Variants in TENT4A observed in about 807,000 individuals in gnomAD.
The protein encoded by TENT4A is DNA polymerase kappa.
In TENT4A, 7 loss-of-function variants were observed where a neutral mutation model predicts 72.8. The ratio of observed to expected loss-of-function variants is 0.10; its 90% CI spans 0.05 to 0.18. The LOEUF (loss-of-function observed/expected upper bound fraction) is 0.18, where lower values mean the gene tolerates loss of function less well. Among genes scored for constraint, TENT4A ranks in the 10% least tolerant of loss-of-function variants. The probability of loss-of-function intolerance (pLI) is 1.00; values close to 1 mark genes in which losing one functional copy is unlikely to be tolerated. For missense variants in TENT4A, 831 were observed against 1,017.7 expected, an observed-to-expected ratio of 0.82 and a Z score of 2.50; for synonymous variants, 456 against 434.3, an observed-to-expected ratio of 1.05 and a Z score of -0.62.
rs371509469 is a variant in TENT4A, at chr5:6,755,227, C to T, written c.*282C>T. Reference sequence around the variant, plus strand: ...AGGTCGGGCTCAGGAACTGCAGGGACGTGAACATGCGCTTGCGGTTTGAGG... The same window carrying T: ...AGGTCGGGCTCAGGAACTGCAGGGATGTGAACATGCGCTTGCGGTTTGAGG... On this transcript the variant is annotated 3_prime_UTR_variant, in exon 13 of 13. Coordinates refer to ENST00000230859, the MANE Select transcript of TENT4A (RefSeq NM_006999.6). 34 of 314,956 alleles carry T rather than the reference C, an allele frequency of 1.1e-4. No homozygotes were observed. The East Asian group carries it at 1.2e-3, about 11-fold the overall frequency. 19.5% of individuals were successfully genotyped at this position (314,956 alleles called of 1,614,324 possible).
intron 12 of TENT4A, among the ~76,000 whole-genome samples, chr5:6,753,741 T>C (rs1435109000): frequency 6.6e-6 from 1 of 152,254 alleles, no homozygotes; most frequent in Admixed American, 6.5e-5. Context: ...GCTTGTCTAA[T>C]CCTATTTTGC....
At position 6,714,445 on chromosome 5, in the gene TENT4A, C is replaced by T; in HGVS notation, c.462C>T (p.Asp154=). The T allele has an allele frequency of 8.5e-7, 1 of 1,172,462 alleles. No individual in the cohort carries two copies. The allele number at this position is 1,172,462 out of a possible 1,614,324, so 72.6% of individuals were successfully genotyped here. Residue 154 remains aspartate (D), a synonymous_variant, in exon 1 of 13, where the codon GAC becomes GAT. Coordinates refer to ENST00000230859, the MANE Select transcript of TENT4A (RefSeq NM_006999.6). ...GCGGCGCCTTCTTCAACTTCGCCGA[C>T]GGCGCGCCCAGCGCCCCTGGCACAG... The part of the protein sequence containing the change: ...GRGGAFFNFA[D]GAPSAPGTAN...
chr5:6,750,288 G>A (rs747659876), intron 9 of TENT4A, 43 bp from the exon 10 acceptor site: 13 of 1,538,676 alleles, frequency 8.4e-6, no homozygotes, highest in East Asian at 7.4e-5. Flanking sequence ...GCTCCACGCC[G>A]CAGTTCTCAG....
intron 4 of TENT4A, among the ~76,000 whole-genome samples, chr5:6,742,117 A>G (rs1363182733): frequency 2.0e-5 from 3 of 152,248 alleles, no homozygotes; most frequent in South Asian, 2.1e-4. Context: ...GTTACATTAA[A>G]TGATTTCAAA....
chr5:6,721,480 T>A (rs1740648601), intron 1 of TENT4A, among the ~76,000 whole-genome samples: 1 of 152,240 alleles, frequency 6.6e-6, no homozygotes. Flanking sequence ...TCTTTGTTTC[T>A]TATTATAAAA....
At chr5:6,729,771 T>G (rs893650011) in intron 1 of TENT4A, among the ~76,000 whole-genome samples, 16 of 152,252 alleles carry the variant, frequency 1.1e-4, no homozygotes, top group Admixed American at 2.6e-4. Flanking sequence ...GGTGGTTTTT[T>G]TGTGTGTGTG....
chr5:6,728,012 T>C (rs1359138224), intron 1 of TENT4A, among the ~76,000 whole-genome samples: 2 of 152,248 alleles, frequency 1.3e-5, no homozygotes, highest in African/African-American at 4.8e-5. Context: ...TTTGTGTAAT[T>C]GGTGATTTCC....
At chr5:6,715,108 A>G (rs1172927607) in intron 1 of TENT4A, 1 of 154,052 alleles carries the variant, frequency 6.5e-6, no homozygotes, top group Non-Finnish European at 1.4e-5. Flanking sequence ...AGGAACTCGA[A>G]TCACGTCGAA....
rs1216530145 is a variant in TENT4A, at chr5:6,750,489, T to C, written c.1846T>C (p.Ser616Pro). The C allele has an allele frequency of 1.3e-6, 2 of 1,598,226 alleles. No individual in the cohort carries two copies. Among genetic ancestry groups the C allele is most frequent in the Middle Eastern group, 1.7e-4 (1 of 5,986 alleles). The change falls in exon 10 of 13, where the codon TCT becomes CCT. Residue 616 changes from serine (S) to proline (P), a missense_variant. Ser to Pro is a moderately conservative substitution (Grantham distance 74, BLOSUM62 -1). Transcript: ENST00000230859. Reference sequence around the variant, plus strand: ...CTCGGCCTCTTCTGTGTCTTCACTTTCTGGGAGTGACGTTGTAAGTGCCCT... The same window carrying C: ...CTCGGCCTCTTCTGTGTCTTCACTTCCTGGGAGTGACGTTGTAAGTGCCCT... ...GSSASSVSSL[S>P]GSDVDSDTPP...
In TENT4A at chr5:6,752,910, C is replaced by G. The variant is rs1166219449; in HGVS notation, c.2057C>G (p.Ala686Gly). Residue 686 changes from alanine to glycine, a missense_variant, in exon 12 of 13, where the codon GCT (alanine) becomes GGT (glycine). By Grantham distance (60) the Ala-to-Gly change is moderately conservative. Transcript: ENST00000230859. ...FTIPPPTLGV[A>G]PVPCRQAGVE... is the part of the protein sequence containing the mutation. Reference sequence around the variant, plus strand: ...ATACCTCCACCGACCCTAGGGGTTGCTCCTGTTCCTTGCAGACAAGCTGGT... The same window carrying G: ...ATACCTCCACCGACCCTAGGGGTTGGTCCTGTTCCTTGCAGACAAGCTGGT... The G allele has an allele frequency of 1.2e-6, 2 of 1,614,184 alleles. No homozygotes were observed. Among genetic ancestry groups the G allele is most frequent in the East Asian group, 4.5e-5 (2 of 44,884 alleles).
chr5:6,747,732 A>G (rs1236999822), intron 7 of TENT4A, among the ~76,000 whole-genome samples: 1 of 152,252 alleles, frequency 6.6e-6, no homozygotes, highest in Non-Finnish European at 1.5e-5. Flanking sequence ...TAAATCTAGA[A>G]AAGATAAAAC....
chr5:6,736,266 A>G (rs905358971), intron 1 of TENT4A, among the ~76,000 whole-genome samples: 1 of 152,120 alleles, frequency 6.6e-6, no homozygotes, highest in Non-Finnish European at 1.5e-5. Context: ...GGAAGTGGCA[A>G]TACTTTAGGT....
intron 4 of TENT4A, among the ~76,000 whole-genome samples, chr5:6,740,190 C>G (rs1273618692): frequency 6.6e-6 from 1 of 152,054 alleles, no homozygotes; most frequent in East Asian, 1.9e-4. Context: ...CAGGTGCTGC[C>G]CATTATGGAG....
At chr5:6,752,733 T>C (rs1323687735) in intron 11 of TENT4A, 140 bp from the exon 12 acceptor site, 1 of 637,382 alleles carries the variant, frequency 1.6e-6, no homozygotes, top group Non-Finnish European at 2.8e-6. Context: ...TGTTAGGTAA[T>C]AGTAAAACAG....
chr5:6,715,968 A>G (rs1042921130), intron 1 of TENT4A, among the ~76,000 whole-genome samples: 1 of 152,134 alleles, frequency 6.6e-6, no homozygotes, highest in Non-Finnish European at 1.5e-5. Context: ...GATGAATAGC[A>G]ATATATACCT....
intron 1 of TENT4A, among the ~76,000 whole-genome samples, chr5:6,720,621 A>G (rs1740598582): frequency 6.6e-6 from 1 of 152,020 alleles, no homozygotes; most frequent in Non-Finnish European, 1.5e-5. Flanking sequence ...GGTTGCAGTG[A>G]GCCGAGATCG....
At chr5:6,735,382 C>G (rs1741428029) in intron 1 of TENT4A, among the ~76,000 whole-genome samples, 1 of 152,186 alleles carries the variant, frequency 6.6e-6, no homozygotes, top group Non-Finnish European at 1.5e-5. Context: ...AGGACTGTCC[C>G]TAGCTCTCTG....
intron 1 of TENT4A, among the ~76,000 whole-genome samples, chr5:6,715,724 G>A (rs1740345313): frequency 6.6e-6 from 1 of 152,198 alleles, no homozygotes; most frequent in Non-Finnish European, 1.5e-5. Context: ...TTTCTCATTT[G>A]AAGTATGTTG....
intron 6 of TENT4A, among the ~76,000 whole-genome samples, chr5:6,744,513 A>C (rs1387356579): frequency 6.6e-6 from 1 of 152,200 alleles, no homozygotes; most frequent in Non-Finnish European, 1.5e-5. Flanking sequence ...GCACGGCTGT[A>C]TTTCTCCAGT....
Sources: allele counts gnomAD v4.1 joint callset (sites outside exome capture counted in the v4.1 genomes callset), GRCh38; gene constraint gnomAD v4.1.1; transcripts MANE v1.5; gene names NCBI Gene and HGNC (gene_info 2026-07-23, HGNC 2026-07-21).